Variants in XIRP2 observed in about 807,000 individuals in gnomAD.
XIRP2 encodes xin actin binding repeat containing 2, also known as xin actin-binding repeat-containing protein 2.
In XIRP2, 236 loss-of-function variants were observed where a neutral mutation model predicts 277.0. That is an observed-to-expected ratio of 0.85 (90% CI 0.77 to 0.95). The LOEUF (loss-of-function observed/expected upper bound fraction) is 0.95. Ranked by LOEUF, XIRP2 falls within the 40% of genes least tolerant of loss-of-function variation. The pLI is 0.00. For synonymous variants in XIRP2, 1,490 were observed against 1,416.5 expected, an observed-to-expected ratio of 1.05 and a Z score of -1.17; for missense variants, 4,640 against 4,157.5, an observed-to-expected ratio of 1.12 and a Z score of -3.19.
chr2:167,248,342 T>G lies in XIRP2; in HGVS notation c.6950T>G (p.Met2317Arg). ...EFPLPPPPPL[M>R]MFPEKNGFLP... ...CCTCTTCCTCCTCCACCTCCTTTGA[T>G]GATGTTTCCTGAAAAAAATGGGTTT... Residue 2317 changes from methionine (M) to arginine (R), a missense_variant, in exon 9 of 11, where the codon ATG (methionine) becomes AGG (arginine). Transcript: ENST00000409195. The G allele has an allele frequency of 6.2e-7, 1 of 1,613,712 alleles. No individual in the cohort carries two copies. Among genetic ancestry groups the G allele is most frequent in the Non-Finnish European group, 8.5e-7 (1 of 1,179,802 alleles).
At chr2:167,218,031 C>T (rs992075345) in intron 4 of XIRP2, 135 bp from the exon 5 acceptor site, 2 of 661,304 alleles carry the variant, frequency 3.0e-6, no homozygotes, top group African/African-American at 3.7e-5. Flanking sequence ...TAAAGACATA[C>T]TGAAATAATG....
intron 2 of XIRP2, among the ~76,000 whole-genome samples, chr2:167,075,224 G>T (rs963346900): frequency 6.6e-6 from 1 of 151,980 alleles, no homozygotes; most frequent in South Asian, 2.1e-4. Flanking sequence ...GAAGGAAAAA[G>T]CAAAAAGGCA....
At chr2:167,095,798 T>G (rs1026066683) in intron 2 of XIRP2, among the ~76,000 whole-genome samples, 3 of 150,502 alleles carry the variant, frequency 2.0e-5, no homozygotes, top group African/African-American at 7.3e-5. Context: ...CTCTGCTAGG[T>G]TTTTCTTTCA....
chr2:166,987,485 T>A lies in XIRP2; in HGVS notation c.408+83595T>A, dbSNP rs549430146. ...ACAGTTGAGACATTTGGGGTAAATA[T>A]AAATGAAAACATTATAAATAATAAT... On this transcript the variant is annotated intron_variant, in intron 2 of 10. Coordinates refer to ENST00000409195, the MANE Select transcript of XIRP2 (RefSeq NM_152381.6). Among the ~76,000 whole-genome samples, 11 of 152,306 alleles carry A rather than the reference T, an allele frequency of 7.2e-5. No individual in the cohort carries two copies. In the South Asian group the frequency reaches 2.1e-3, roughly 29 times the overall value.
chr2:166,903,406 T>C, intron 1 of XIRP2, 59 bp from the exon 2 acceptor site: 5 of 1,503,730 alleles, frequency 3.3e-6, no homozygotes. Flanking sequence ...GTATTTTGAG[T>C]CTGAAAATGA....
In XIRP2 at chr2:167,247,484, A is replaced by G; in HGVS notation, c.6092A>G (p.Asp2031Gly). Residue 2031 changes from aspartate (D) to glycine (G), a missense_variant, in exon 9 of 11, where the codon GAT becomes GGT. By Grantham distance (94) the Asp-to-Gly change is moderately conservative. Transcript: ENST00000409195. ...AAAGGCACTGTAAAGATTGTCATAG[A>G]TCGTGAACAAAACAATGATGCTCTG... ...APKGTVKIVI[D>G]REQNNDALEK... 1 of 1,613,760 alleles carries G rather than the reference A, an allele frequency of 6.2e-7. No individual in the cohort carries two copies. Among genetic ancestry groups the G allele is most frequent in the South Asian group, 1.1e-5 (1 of 91,072 alleles).
At chr2:166,963,549 A>G (rs971746363) in intron 2 of XIRP2, among the ~76,000 whole-genome samples, 15 of 151,894 alleles carry the variant, frequency 9.9e-5, no homozygotes, top group African/African-American at 3.6e-4. Context: ...GTCATGTTAT[A>G]TCTAAGAAAA....
chr2:167,214,815 C>A (rs981177973), intron 4 of XIRP2, among the ~76,000 whole-genome samples: 1 of 152,122 alleles, frequency 6.6e-6, no homozygotes, highest in African/African-American at 2.4e-5. Flanking sequence ...GATCCACCCA[C>A]CTTGACCTCC....
intron 2 of XIRP2, among the ~76,000 whole-genome samples, chr2:166,947,453 T>G (rs1022253593): frequency 6.6e-6 from 1 of 152,196 alleles, no homozygotes; most frequent in African/African-American, 2.4e-5. Context: ...CTTGGTATTC[T>G]TCATAAGCCT....
rs189791332 is a variant in XIRP2 at position 166,939,377 on chromosome 2, C to T, written c.408+35487C>T. ...GCTTAGTTTGGCTTGATATGAAATT[C>T]TGGGTTGAAAATTCTTTTCTTGGGC... On this transcript the variant is annotated intron_variant, in intron 2 of 10. Transcript: ENST00000409195. Among the ~76,000 whole-genome samples the T allele has an allele frequency of 9.1e-3, 1,382 of 152,078 alleles. 20 individuals carry two copies. Among genetic ancestry groups the T allele is most frequent in the African/African-American group, 0.032 (1,326 of 41,480 alleles).
At chr2:167,033,210 T>C (rs1021525511) in intron 2 of XIRP2, among the ~76,000 whole-genome samples, 8 of 152,080 alleles carry the variant, frequency 5.3e-5, no homozygotes, top group Non-Finnish European at 8.8e-5. Flanking sequence ...AAACACTGCA[T>C]ATTCTCACTC....
At chr2:166,905,774 A>C (rs2105339041) in intron 2 of XIRP2, among the ~76,000 whole-genome samples, 1 of 152,054 alleles carries the variant, frequency 6.6e-6, no homozygotes, top group East Asian at 1.9e-4. Flanking sequence ...GGACGAGGAG[A>C]AAAAGAACAA....
chr2:166,938,587 A>G (rs1296133727), intron 2 of XIRP2, among the ~76,000 whole-genome samples: 3 of 152,252 alleles, frequency 2.0e-5, no homozygotes, highest in South Asian at 2.1e-4. Context: ...TTGGGGTAGA[A>G]AGTTCTGTAG....
intron 3 of XIRP2, among the ~76,000 whole-genome samples, chr2:167,200,268 G>T (rs935457529): frequency 1.3e-5 from 2 of 152,210 alleles, no homozygotes; most frequent in African/African-American, 4.8e-5. Context: ...GGGACTTAAA[G>T]ACTGGCCTAG....
intron 2 of XIRP2, among the ~76,000 whole-genome samples, chr2:166,917,564 A>G (rs1018690068): frequency 2.0e-5 from 3 of 152,112 alleles, no homozygotes; most frequent in African/African-American, 7.2e-5. Flanking sequence ...TTCAGAGGAA[A>G]CTGCCATCTC....
intron 2 of XIRP2, among the ~76,000 whole-genome samples, chr2:166,955,548 C>T (rs938794909): frequency 1.8e-4 from 27 of 151,800 alleles, no homozygotes; most frequent in Admixed American, 1.7e-3. Context: ...GACCCATACA[C>T]TTGAAATAAG....
chr2:166,954,495 T>G (rs1686114361), intron 2 of XIRP2, among the ~76,000 whole-genome samples: 1 of 151,912 alleles, frequency 6.6e-6, no homozygotes, highest in African/African-American at 2.4e-5. Flanking sequence ...TCAACCATTG[T>G]GGAAGAAAGG....
intron 3 of XIRP2, among the ~76,000 whole-genome samples, chr2:167,151,358 A>C (rs914531348): frequency 6.6e-6 from 1 of 152,168 alleles, no homozygotes; most frequent in Non-Finnish European, 1.5e-5. Context: ...TAGGAAATAA[A>C]TTCTGAGGCA....
At chr2:167,012,204 A>T (rs996799986) in intron 2 of XIRP2, among the ~76,000 whole-genome samples, 4 of 151,922 alleles carry the variant, frequency 2.6e-5, no homozygotes, top group Admixed American at 2.6e-4. Flanking sequence ...ATTTAGTGCT[A>T]TAAATTTTCC....
Sources: gnomAD v4.1 joint callset for allele counts (sites outside exome capture counted in the v4.1 genomes callset) on GRCh38, gnomAD v4.1.1 for gene constraint, MANE v1.5 for transcripts, NCBI Gene and HGNC (gene_info 2026-07-23, HGNC 2026-07-21) for gene names.